The following PRKAG2 variants were observed in gnomAD, a reference collection of about 807,000 sequenced individuals.
PRKAG2 encodes the protein 5'-AMP-activated protein kinase subunit gamma-2.
In PRKAG2, 26 loss-of-function variants were observed where a neutral mutation model predicts 69.6. The observed-to-expected ratio is 0.37, with a 90% CI of 0.27 to 0.52. The LOEUF is 0.52. PRKAG2 is among the 20% of genes least tolerant of loss of function. PRKAG2 has a pLI of 0.90. For synonymous variants in PRKAG2, 293 were observed against 285.0 expected, an observed-to-expected ratio of 1.03 and a Z score of -0.28; for missense variants, 557 against 740.0, an observed-to-expected ratio of 0.75 and a Z score of 2.87.
intron 1 of PRKAG2, among the ~76,000 whole-genome samples, chr7:151,862,942 G>T (rs1393595597): frequency 6.6e-6 from 1 of 151,046 alleles, no homozygotes; most frequent in Non-Finnish European, 1.5e-5. Flanking sequence ...GCCTCTGGGT[G>T]CAGGGAGCAC....
At position 151,826,583 on chromosome 7, in the gene PRKAG2, T is replaced by C. The variant is rs192892616; in HGVS notation, c.115-40042A>G. 8.3e-4 allele frequency among the ~76,000 whole-genome samples: 126 copies of C among 152,264 alleles called. 1 individual carries two copies. The highest frequency in any genetic ancestry group is 7.4e-5 in the Non-Finnish European group (5 of 68,014). On this transcript the variant is annotated intron_variant, in intron 1 of 15. Transcript: ENST00000287878. ...CTTCCTCTCTCTTTCCTTTATGAGG[T>C]GAAAATGTACCCTAATCATTGAAAA...
Position 151,632,395 on chromosome 7 carries a change from C to A in PRKAG2, c.685-257G>T, listed in dbSNP as rs1824846431. The A allele has an allele frequency of 4.1e-6, 2 of 482,754 alleles. No homozygotes were observed. Among genetic ancestry groups the A allele is most frequent in the African/African-American group, 2.1e-5 (1 of 47,172 alleles). The allele number at this position is 482,754 out of a possible 1,614,324, so 29.9% of individuals were successfully genotyped here. A position where few individuals can be genotyped will look rare whatever the true frequency, so the allele number is the denominator to read the frequency against. On this transcript the variant is annotated intron_variant, in intron 4 of 15. Transcript: ENST00000287878. The surrounding 1 kb of genome is among the most constrained non-coding windows in gnomAD (Gnocchi z 4.2). ...CGCGAGTGGGACGCGCCGCTCCCCC[C>A]CGCGCCTTGGTACGGCCCGCCCGGG...
chr7:151,800,671 G>T (rs1389141876), intron 1 of PRKAG2, among the ~76,000 whole-genome samples: 1 of 152,248 alleles, frequency 6.6e-6, no homozygotes, highest in African/African-American at 2.4e-5. Flanking sequence ...CTTGGGTGAG[G>T]GAGGGAGGGA....
chr7:151,573,467 A>G (rs889240813), intron 8 of PRKAG2, among the ~76,000 whole-genome samples: 1 of 148,500 alleles, frequency 6.7e-6, no homozygotes, highest in Non-Finnish European at 1.5e-5. Context: ...GGCGTGAGCC[A>G]CTGTGCCTGG....
intron 11 of PRKAG2, 100 bp from the exon 12 acceptor site, chr7:151,565,985 G>T: frequency 7.1e-7 from 1 of 1,405,644 alleles, no homozygotes; most frequent in Non-Finnish European, 1.0e-6. Context: ...ACAAATTAAA[G>T]TTAGTTTTTT....
chr7:151,692,997 C>T (rs910744884), intron 3 of PRKAG2, among the ~76,000 whole-genome samples: 1 of 152,180 alleles, frequency 6.6e-6, no homozygotes, highest in African/African-American at 2.4e-5. Context: ...CCTGCCTTCC[C>T]CTGCTGTTGG....
At chr7:151,703,803 G>T (rs2151577900) in intron 3 of PRKAG2, among the ~76,000 whole-genome samples, 1 of 149,664 alleles carries the variant, frequency 6.7e-6, no homozygotes, top group South Asian at 2.1e-4. Flanking sequence ...AGGAGTTTGA[G>T]ACCAGCCTAA....
intron 5 of PRKAG2, among the ~76,000 whole-genome samples, chr7:151,597,249 T>C (rs1416680161): frequency 1.3e-5 from 2 of 152,210 alleles, no homozygotes; most frequent in East Asian, 3.8e-4. Flanking sequence ...TGGACTCCTA[T>C]CTCTCATCAG....
chr7:151,748,885 G>C (rs956154886), intron 3 of PRKAG2, among the ~76,000 whole-genome samples: 1 of 151,588 alleles, frequency 6.6e-6, no homozygotes, highest in Non-Finnish European at 1.5e-5. Context: ...AGATGAGCTG[G>C]GCACTTTCAC....
At position 151,713,065 on chromosome 7, in the gene PRKAG2, G is replaced by A. The variant is rs548315983; in HGVS notation, c.467-37428C>T. Among the ~76,000 whole-genome samples, 51 of 152,258 alleles carry A rather than the reference G, an allele frequency of 3.3e-4. 1 individual carries two copies. The South Asian group carries it at 1.0e-2, about 30-fold the overall frequency. ...AATGCCCAGTGGATGGCCCTTCCTC[G>A]GAGCTGAAGCAGTTCCCATTTCTCC... On this transcript the variant is annotated intron_variant, in intron 3 of 15. Coordinates refer to ENST00000287878, the MANE Select transcript of PRKAG2 (RefSeq NM_016203.4).
intron 3 of PRKAG2, among the ~76,000 whole-genome samples, chr7:151,779,608 C>G (rs942386293): frequency 1.3e-4 from 20 of 152,226 alleles, no homozygotes; most frequent in African/African-American, 4.3e-4. Context: ...CTGCCCTGTC[C>G]TAACTGAGCA....
intron 3 of PRKAG2, among the ~76,000 whole-genome samples, chr7:151,761,740 T>C (rs1362512132): frequency 1.3e-5 from 2 of 152,196 alleles, no homozygotes; most frequent in Non-Finnish European, 2.9e-5. Context: ...AGTTTCCCTG[T>C]ACAAGAGGCG....
At chr7:151,795,856 T>TACGTATATAC (rs376829529) in intron 1 of PRKAG2, among the ~76,000 whole-genome samples, 2 of 97,268 alleles carry the variant, frequency 2.1e-5, no homozygotes, top group Non-Finnish European at 3.9e-5. Context: ...CATATATATA[T>TACGTATATAC]ATATATATAT....
intron 3 of PRKAG2, among the ~76,000 whole-genome samples, chr7:151,759,627 A>C (rs1293074754): frequency 6.6e-6 from 1 of 152,164 alleles, no homozygotes; most frequent in Non-Finnish European, 1.5e-5. Context: ...GGTGAACCGC[A>C]CTGGAAAAAA....
rs1236978519 is a variant in PRKAG2 at position 151,696,646 on chromosome 7, T to A, written c.467-21009A>T. ...CCCCGCAACCTTCCACCCACCATCATCAAACTTTCAAAAGCAGAGAGTCTG... is the reference window on the plus strand; with the variant it reads ...CCCCGCAACCTTCCACCCACCATCAACAAACTTTCAAAAGCAGAGAGTCTG... On this transcript the variant is annotated intron_variant, in intron 3 of 15. Coordinates refer to ENST00000287878, the MANE Select transcript of PRKAG2 (RefSeq NM_016203.4). 5.9e-5 allele frequency among the ~76,000 whole-genome samples: 9 copies of A among 152,284 alleles called. No homozygotes were observed. The South Asian group carries it at 1.9e-3, about 32-fold the overall frequency.
intron 1 of PRKAG2, among the ~76,000 whole-genome samples, chr7:151,859,057 T>C (rs2079853197): frequency 6.6e-6 from 1 of 152,206 alleles, no homozygotes; most frequent in Non-Finnish European, 1.5e-5. Flanking sequence ...GAAAATCCAG[T>C]GTCTCCTGAG....
At chr7:151,686,109 C>T (rs1834695164) in intron 3 of PRKAG2, among the ~76,000 whole-genome samples, 1 of 152,062 alleles carries the variant, frequency 6.6e-6, no homozygotes, top group Non-Finnish European at 1.5e-5. Flanking sequence ...GGATGCTTCT[C>T]AGGCTTCAGT....
intron 1 of PRKAG2, among the ~76,000 whole-genome samples, chr7:151,856,243 C>T (rs1412545264): frequency 2.0e-5 from 3 of 152,230 alleles, no homozygotes; most frequent in Non-Finnish European, 4.4e-5. Flanking sequence ...GGGAGCCTGT[C>T]CAAGGTCACA....
chr7:151,675,403 G>C lies in PRKAG2; in HGVS notation c.684+17C>G. ...CTGCCACCCGGCAGCCCCACCCACA[G>C]AAGGGCCCAGACTTACGGCTTTGGA... On this transcript the variant is annotated intron_variant, in intron 4 of 15. Coordinates refer to ENST00000287878, the MANE Select transcript of PRKAG2 (RefSeq NM_016203.4). The C allele has an allele frequency of 6.2e-7, 1 of 1,610,858 alleles. No individual in the cohort carries two copies. Among genetic ancestry groups the C allele is most frequent in the East Asian group, 2.2e-5 (1 of 44,844 alleles).
Sources: gnomAD v4.1 joint callset for allele counts (sites outside exome capture counted in the v4.1 genomes callset) on GRCh38, gnomAD v4.1.1 for gene constraint, Gnocchi (gnomAD v3.1) non-coding constraint, MANE v1.5 for transcripts, NCBI Gene and HGNC (gene_info 2026-07-23, HGNC 2026-07-21) for gene names.